Variants in KIAA1549 observed in about 807,000 individuals in gnomAD.
KIAA1549 encodes the protein KIAA1549.
A neutral mutation model predicts 156.4 loss-of-function variants in KIAA1549; 70 were observed. The observed-to-expected ratio is 0.45, with a 90% CI of 0.37 to 0.55. The LOEUF (loss-of-function observed/expected upper bound fraction) is 0.55, where lower values mean the gene tolerates loss of function less well. Among genes scored for constraint, KIAA1549 ranks in the 20% least tolerant of loss-of-function variants. The pLI, the probability that KIAA1549 is intolerant of heterozygous loss-of-function variation, is 0.00. For synonymous variants in KIAA1549, 1,103 were observed against 1,066.4 expected (o/e 1.03, Z -0.67); for missense variants, 2,428 against 2,540.9 (o/e 0.96, Z 0.96).
intron 10 of KIAA1549, among the ~76,000 whole-genome samples, chr7:138,888,866 C>T (rs922758207): frequency 2.6e-5 from 4 of 152,158 alleles, no homozygotes; most frequent in Non-Finnish European, 4.4e-5. Context: ...ATCTGTCAAG[C>T]CTTTTTCAGA....
At chr7:138,924,172 CTTTTCTTTTCTTT>C (rs1197721327) in intron 1 of KIAA1549, among the ~76,000 whole-genome samples, 1 of 138,606 alleles carries the variant, frequency 7.2e-6, no homozygotes, top group East Asian at 2.1e-4. Flanking sequence ...AGCAGCTGTT[CTTTTCTTTTCTTT>C]TTTTTTTTTC....
At position 138,943,503 on chromosome 7, in the gene KIAA1549, A is replaced by C. The variant is rs575479005; in HGVS notation, c.188-24065T>G. 2.0e-5 allele frequency among the ~76,000 whole-genome samples: 3 copies of C among 152,362 alleles called. No homozygotes were observed. In the South Asian group the frequency reaches 6.2e-4, roughly 32 times the overall value. ...TGTATATGTTTATTGTGTACAACAT[A>C]ATGTTTTGAAATATATATACATTGT... On this transcript the variant is annotated intron_variant, in intron 1 of 19. Transcript: ENST00000422774.
intron 14 of KIAA1549, 38 bp from the exon 15 acceptor site, chr7:138,868,166 A>C: frequency 1.3e-6 from 2 of 1,587,962 alleles, no homozygotes; most frequent in East Asian, 4.5e-5. Context: ...GTAGGAAATC[A>C]CCCTTTTTGC....
At chr7:138,959,203 A>G (rs1426261204) in intron 1 of KIAA1549, among the ~76,000 whole-genome samples, 2 of 152,330 alleles carry the variant, frequency 1.3e-5, no homozygotes, top group Non-Finnish European at 2.9e-5. Flanking sequence ...TTTTAAACAA[A>G]TGACCTTAAT....
In KIAA1549 at chr7:138,956,541, T is replaced by C. The variant is rs140315055; in HGVS notation, c.187+24542A>G. 3.2e-3 allele frequency among the ~76,000 whole-genome samples: 481 copies of C among 152,246 alleles called. 3 individuals are homozygous for C. The highest frequency in any genetic ancestry group is 5.6e-3 in the Non-Finnish European group (380 of 68,022). On this transcript the variant is annotated intron_variant, in intron 1 of 19. Coordinates refer to ENST00000422774, the MANE Select transcript of KIAA1549 (RefSeq NM_001164665.2). Reference sequence around the variant, plus strand: ...TACTATTCTGGTGGTAGTGAATAAGTCTCACGAGATCTGATGGTTTTATAA... The same window carrying C: ...TACTATTCTGGTGGTAGTGAATAAGCCTCACGAGATCTGATGGTTTTATAA...
At chr7:138,877,212 G>C (rs560494129) in intron 12 of KIAA1549, among the ~76,000 whole-genome samples, 2 of 151,680 alleles carry the variant, frequency 1.3e-5, no homozygotes, top group African/African-American at 4.9e-5. Context: ...TTATAAAACA[G>C]GCCGAACATG....
At position 138,929,480 on chromosome 7, in the gene KIAA1549, G is replaced by A. The variant is rs145786832; in HGVS notation, c.188-10042C>T. On this transcript the variant is annotated intron_variant, in intron 1 of 19. Transcript: ENST00000422774. ...CCACTGAAGTCTTGAATGCCTCAAAGTCATTCATGAGGTTTCGCATCAACT... is the reference window on the plus strand; with the variant it reads ...CCACTGAAGTCTTGAATGCCTCAAAATCATTCATGAGGTTTCGCATCAACT... Among the ~76,000 whole-genome samples, 587 of 152,144 alleles carry A rather than the reference G, an allele frequency of 3.9e-3. 2 individuals are homozygous for A. The highest frequency in any genetic ancestry group is 6.5e-3 in the Non-Finnish European group (443 of 68,002).
Position 138,869,579 on chromosome 7 carries a change from G to A in KIAA1549, c.4734C>T (p.Pro1578=). 1 of 1,594,628 alleles carries A rather than the reference G, an allele frequency of 6.3e-7. No homozygotes were observed. Among genetic ancestry groups the A allele is most frequent in the South Asian group, 1.1e-5 (1 of 87,798 alleles). Residue 1578 remains proline, a synonymous_variant, in exon 14 of 20, where the codon CCC becomes CCT. Coordinates refer to ENST00000422774, the MANE Select transcript of KIAA1549 (RefSeq NM_001164665.2). The part of the protein sequence containing the change: ...AQMQIDKILD[P]TASVPSVFIE... ...TGAACACGGAGGGCACGCTGGCCGT[G>A]GGGTCCAGGATCTTGTCGATCTGCA...
chr7:138,951,209 G>C (rs937430487), intron 1 of KIAA1549, among the ~76,000 whole-genome samples: 1 of 152,122 alleles, frequency 6.6e-6, no homozygotes, highest in African/African-American at 2.4e-5. Context: ...GGGATTACAG[G>C]CATGAGCCAC....
intron 19 of KIAA1549, among the ~76,000 whole-genome samples, chr7:138,839,776 G>GTTTT (rs1563043849): frequency 1.1e-5 from 1 of 90,094 alleles, no homozygotes; most frequent in Non-Finnish European, 2.3e-5. Flanking sequence ...GAGGGATTAT[G>GTTTT]TCTTTTTTTT....
chr7:138,980,620 A>C (rs921260012), intron 1 of KIAA1549, among the ~76,000 whole-genome samples: 4 of 152,178 alleles, frequency 2.6e-5, no homozygotes, highest in Admixed American at 1.3e-4. Flanking sequence ...GCCTGCCCGC[A>C]TCTGGGGGAC....
At chr7:138,948,674 A>G (rs560120019) in intron 1 of KIAA1549, among the ~76,000 whole-genome samples, 2 of 146,254 alleles carry the variant, frequency 1.4e-5, no homozygotes, top group South Asian at 2.2e-4. Context: ...TGGGGTTTAT[A>G]CTGTTTTTTT....
rs1199590770 is a variant in KIAA1549, at chr7:138,837,485, CTT to C, written c.*419_*420del. 1 of 279,104 alleles carries C rather than the reference CTT, an allele frequency of 3.6e-6. No individual in the cohort carries two copies. The highest frequency in any genetic ancestry group is 2.1e-5 in the African/African-American group (1 of 46,648). 17.3% of individuals were successfully genotyped at this position (279,104 alleles called of 1,614,324 possible). A position where few individuals can be genotyped will look rare whatever the true frequency, so the allele number is the denominator to read the frequency against. ...CTGTTAATAAAATGTCTTCAAACCT[CTT>C]CTCAGAAAACAAAGCAGCAGGTTCA... On this transcript the variant is annotated 3_prime_UTR_variant, in exon 20 of 20. Coordinates refer to ENST00000422774, the MANE Select transcript of KIAA1549 (RefSeq NM_001164665.2).
At chr7:138,856,621 A>C (rs1810400652) in intron 16 of KIAA1549, among the ~76,000 whole-genome samples, 1 of 152,176 alleles carries the variant, frequency 6.6e-6, no homozygotes, top group African/African-American at 2.4e-5. Context: ...TTCCATGTGC[A>C]GCCATCACCC....
intron 10 of KIAA1549, among the ~76,000 whole-genome samples, chr7:138,885,942 T>C (rs1017288942): frequency 1.3e-5 from 2 of 152,140 alleles, no homozygotes; most frequent in Non-Finnish European, 2.9e-5. Context: ...GATCTGAGGC[T>C]ACCTCCCAGT....
chr7:138,849,551 TTC>T (rs1455923155), intron 17 of KIAA1549, among the ~76,000 whole-genome samples: 1 of 152,160 alleles, frequency 6.6e-6, no homozygotes, highest in Non-Finnish European at 1.5e-5. Flanking sequence ...CATAGAAATT[TTC>T]TTTTTTTTTT....
At chr7:138,904,829 C>A (rs563577659) in intron 7 of KIAA1549, among the ~76,000 whole-genome samples, 193 bp downstream of exon 7, 1 of 152,256 alleles carries the variant, frequency 6.6e-6, no homozygotes, top group South Asian at 2.1e-4. Flanking sequence ...AAAGTCAGTC[C>A]TTTTTGTTCT....
chr7:138,843,719 C>T (rs1809988005), intron 18 of KIAA1549, among the ~76,000 whole-genome samples: 1 of 152,082 alleles, frequency 6.6e-6, no homozygotes, highest in South Asian at 2.1e-4. Context: ...CTAAAATTAG[C>T]AGGGGAATCA....
intron 12 of KIAA1549, among the ~76,000 whole-genome samples, chr7:138,873,929 A>T (rs748256500): frequency 6.7e-6 from 1 of 149,154 alleles, no homozygotes; most frequent in South Asian, 2.1e-4. Context: ...TTACATATAC[A>T]TATAATATAT....
Sources: allele counts gnomAD v4.1 joint callset (sites outside exome capture counted in the v4.1 genomes callset), GRCh38; gene constraint gnomAD v4.1.1; transcripts MANE v1.5; gene names NCBI Gene and HGNC (gene_info 2026-07-23, HGNC 2026-07-21).